CTNNA3: variants seen among roughly 807,000 people sequenced by gnomAD.
CTNNA3 encodes the protein catenin alpha 3.
CTNNA3 carries 76 observed loss-of-function variants against 95.7 expected under a neutral mutation model. The observed-to-expected ratio is 0.79, with a 90% CI of 0.66 to 0.96. CTNNA3 has a LOEUF of 0.96. Ranked by LOEUF, CTNNA3 falls within the 40% of genes least tolerant of loss-of-function variation. The pLI, the probability that CTNNA3 is intolerant of heterozygous loss-of-function variation, is 0.00. For synonymous variants in CTNNA3, 431 were observed against 374.4 expected (o/e 1.15, Z -1.74); for missense variants, 1,191 against 1,089.8 (o/e 1.09, Z -1.31).
At chr10:66,083,869 C>T (rs1271693607) in intron 14 of CTNNA3, among the ~76,000 whole-genome samples, 1 of 152,012 alleles carries the variant, frequency 6.6e-6, no homozygotes, top group Non-Finnish European at 1.5e-5. Flanking sequence ...GGTGTGGTGG[C>T]TCATGCCTGT....
At chr10:67,583,651 T>C (rs1842502944) in intron 3 of CTNNA3, among the ~76,000 whole-genome samples, 1 of 152,170 alleles carries the variant, frequency 6.6e-6, no homozygotes, top group African/African-American at 2.4e-5. Context: ...TCCTGAGGAG[T>C]GTTTTCCAAC....
chr10:65,920,502 G>T lies in CTNNA3; in HGVS notation c.2516C>A (p.Ala839Asp). ...CATCACAACTGGGTGCCGGGGCCCAGCAGGACTCTGGATTCGGATGATCTT... is the reference window on the plus strand; with the variant it reads ...CATCACAACTGGGTGCCGGGGCCCATCAGGACTCTGGATTCGGATGATCTT... ...STKIIRIQSP[A>D]GPRHPVVMWR... Residue 839 changes from alanine (A) to aspartate (D), a missense_variant, in exon 18 of 18, where the codon GCT becomes GAT. Ala to Asp is a moderately radical substitution (Grantham distance 126). Transcript: ENST00000433211. 6.2e-7 allele frequency: 1 copy of T among 1,614,096 alleles called. No homozygotes were observed. The highest frequency in any genetic ancestry group is 8.5e-7 in the Non-Finnish European group (1 of 1,180,022).
intron 16 of CTNNA3, among the ~76,000 whole-genome samples, chr10:65,986,594 T>G (rs958014098): frequency 6.6e-6 from 1 of 151,720 alleles, no homozygotes; most frequent in Non-Finnish European, 1.5e-5. Flanking sequence ...CCTCTGTTCA[T>G]GTATGGAAAG....
chr10:66,504,389 G>C (rs1391171564), intron 11 of CTNNA3, among the ~76,000 whole-genome samples: 1 of 152,160 alleles, frequency 6.6e-6, no homozygotes. Flanking sequence ...TCCCCAGGAT[G>C]CTTTCTAAGT....
chr10:66,276,968 T>C (rs1251185254), intron 13 of CTNNA3, among the ~76,000 whole-genome samples: 1 of 152,108 alleles, frequency 6.6e-6, no homozygotes, highest in Non-Finnish European at 1.5e-5. Flanking sequence ...CATTATATTA[T>C]GCACTCTTAA....
intron 2 of CTNNA3, among the ~76,000 whole-genome samples, chr10:67,616,017 A>C (rs1281842066): frequency 1.3e-5 from 2 of 152,172 alleles, no homozygotes; most frequent in Non-Finnish European, 2.9e-5. Context: ...TAAGAAAATA[A>C]AGAGTGAAAG....
intron 5 of CTNNA3, among the ~76,000 whole-genome samples, chr10:67,478,374 G>A (rs367659239): frequency 5.3e-5 from 8 of 152,076 alleles, no homozygotes; most frequent in Non-Finnish European, 1.2e-4. Flanking sequence ...AATCTTAAGG[G>A]CAGCTGGGAA....
At chr10:66,678,934 G>A (rs1464698582) in intron 9 of CTNNA3, among the ~76,000 whole-genome samples, 1 of 152,148 alleles carries the variant, frequency 6.6e-6, no homozygotes, top group African/African-American at 2.4e-5. Flanking sequence ...TTAAAGGCTG[G>A]AGAAGGAGGG....
rs756023761 is a variant in CTNNA3 at position 66,520,584 on chromosome 10, G to T, written c.1531+33C>A. 52 of 1,568,678 alleles carry T rather than the reference G, an allele frequency of 3.3e-5. 1 individual carries two copies. The South Asian group carries it at 5.4e-4, about 16-fold the overall frequency. Reference sequence around the variant, plus strand: ...ATTCTATTTTATAAAATTGACAAGAGAAAATAAACAAATTAAAAGAATAAA... The same window carrying T: ...ATTCTATTTTATAAAATTGACAAGATAAAATAAACAAATTAAAAGAATAAA... On this transcript the variant is annotated intron_variant, in intron 11 of 17. Coordinates refer to ENST00000433211, the MANE Select transcript of CTNNA3 (RefSeq NM_013266.4).
chr10:66,286,810 G>C lies in CTNNA3; in HGVS notation c.1733-6189C>G, dbSNP rs144281238. On this transcript the variant is annotated intron_variant, in intron 12 of 17. Coordinates refer to ENST00000433211, the MANE Select transcript of CTNNA3 (RefSeq NM_013266.4). ...ACCTCTACAAACTTCAACTCTCTTT[G>C]CACAGTTGTCTATAATTATGTGTCA... Among the ~76,000 whole-genome samples, 143 of 152,052 alleles carry C rather than the reference G, an allele frequency of 9.4e-4. 1 individual carries two copies. The highest frequency in any genetic ancestry group is 3.3e-3 in the African/African-American group (136 of 41,490).
intron 15 of CTNNA3, among the ~76,000 whole-genome samples, chr10:66,039,931 A>G (rs2079649706): frequency 6.6e-6 from 1 of 152,176 alleles, no homozygotes; most frequent in Non-Finnish European, 1.5e-5. Context: ...GAATAAACAG[A>G]TAACCTACAG....
chr10:66,424,250 A>C (rs2093220893), intron 11 of CTNNA3, among the ~76,000 whole-genome samples: 1 of 152,054 alleles, frequency 6.6e-6, no homozygotes, highest in South Asian at 2.1e-4. Flanking sequence ...TAAATTTTCA[A>C]AGAATCAGCT....
intron 1 of CTNNA3, among the ~76,000 whole-genome samples, chr10:67,720,724 T>A (rs1589580383): frequency 1.3e-5 from 2 of 152,054 alleles, no homozygotes; most frequent in South Asian, 4.1e-4. Context: ...GAGGCTGAAG[T>A]GGGCAGATCA....
intron 10 of CTNNA3, among the ~76,000 whole-genome samples, chr10:66,584,568 A>T (rs1564549228): frequency 6.6e-6 from 1 of 151,882 alleles, no homozygotes; most frequent in Non-Finnish European, 1.5e-5. Flanking sequence ...AATCTATAAG[A>T]ATCTTTACAT....
At chr10:66,106,299 A>G (rs1427476504) in intron 13 of CTNNA3, among the ~76,000 whole-genome samples, 2 of 150,090 alleles carry the variant, frequency 1.3e-5, no homozygotes, top group African/African-American at 2.5e-5. Context: ...GCTTCTACCT[A>G]TCTGGTAAAC....
At chr10:67,261,668 T>A (rs1287626740) in intron 5 of CTNNA3, among the ~76,000 whole-genome samples, 1 of 152,236 alleles carries the variant, frequency 6.6e-6, no homozygotes, top group African/African-American at 2.4e-5. Flanking sequence ...ATCATTTTTA[T>A]AGCTCAAAGA....
chr10:67,582,098 C>G (rs998116723), intron 3 of CTNNA3, among the ~76,000 whole-genome samples: 1 of 147,044 alleles, frequency 6.8e-6, no homozygotes, highest in East Asian at 2.0e-4. Context: ...TTGCTTTCTG[C>G]TAGCGTTTGA....
intron 13 of CTNNA3, among the ~76,000 whole-genome samples, chr10:66,235,447 C>G (rs911263197): frequency 3.3e-5 from 5 of 150,386 alleles, no homozygotes; most frequent in Non-Finnish European, 5.9e-5. Flanking sequence ...ATTATTTATC[C>G]TGATATATAA....
chr10:67,183,712 TA>T (rs1339864199), intron 6 of CTNNA3, among the ~76,000 whole-genome samples: 1 of 151,460 alleles, frequency 6.6e-6, no homozygotes, highest in Non-Finnish European at 1.5e-5. Flanking sequence ...AAATAAAAAA[TA>T]AAATGTGAGG....
Sources: gnomAD v4.1 joint callset for allele counts (sites outside exome capture counted in the v4.1 genomes callset) on GRCh38, gnomAD v4.1.1 for gene constraint, MANE v1.5 for transcripts, NCBI Gene and HGNC (gene_info 2026-07-23, HGNC 2026-07-21) for gene names.